SLC22A6: variants seen among roughly 807,000 people sequenced by gnomAD.
The protein encoded by SLC22A6 is solute carrier family 22 member 6, also known as PAH transporter.
SLC22A6 carries 45 observed loss-of-function variants against 56.7 expected under a neutral mutation model. That is an observed-to-expected ratio of 0.79 (90% CI 0.63 to 1.02). The LOEUF (loss-of-function observed/expected upper bound fraction) is 1.02, where lower values mean the gene tolerates loss of function less well. SLC22A6 is among the 50% of genes least tolerant of loss of function. The pLI, the probability that SLC22A6 is intolerant of heterozygous loss-of-function variation, is 0.00. For synonymous variants in SLC22A6, 291 were observed against 295.9 expected (o/e 0.98, Z 0.17); for missense variants, 606 against 713.8 (o/e 0.85, Z 1.72).
chr11:62,979,378 G>A, intron 8 of SLC22A6, 110 bp downstream of exon 8: 1 of 748,354 alleles, frequency 1.3e-6, no homozygotes, highest in Admixed American at 2.0e-5. Context: ...GTGTTGGGAG[G>A]GGCCTTTGGG....
chr11:62,984,857 C>T lies in SLC22A6; in HGVS notation c.-167G>A, dbSNP rs554670885. On this transcript the variant is annotated 5_prime_UTR_variant, in exon 1 of 10. Transcript: ENST00000360421. ...AGCTGCTCTGTGGGGGGACAGCAGCCTCCTTGGCTGCTCCTCCTTCTTCCC... is the reference window on the plus strand; with the variant it reads ...AGCTGCTCTGTGGGGGGACAGCAGCTTCCTTGGCTGCTCCTCCTTCTTCCC... 1 of 654,134 alleles carries T rather than the reference C, an allele frequency of 1.5e-6. No homozygotes were observed. Among genetic ancestry groups the T allele is most frequent in the South Asian group, 1.9e-5 (1 of 51,426 alleles). The allele number at this position is 654,134 out of a possible 1,614,324, so 40.5% of individuals were successfully genotyped here. A position where few individuals can be genotyped will look rare whatever the true frequency, so the allele number is the denominator to read the frequency against.
At chr11:62,977,989 T>C (rs752438253) in intron 8 of SLC22A6, among the ~76,000 whole-genome samples, 27 of 152,238 alleles carry the variant, frequency 1.8e-4, no homozygotes, top group Non-Finnish European at 2.5e-4. Context: ...TGCTTCACCA[T>C]TTGTTAGCTG....
At position 62,981,394 on chromosome 11, in the gene SLC22A6, G is replaced by T; in HGVS notation, c.798-11C>A. On this transcript the variant is annotated splice_polypyrimidine_tract_variant and intron_variant, in intron 4 of 9. Coordinates refer to ENST00000360421, the MANE Select transcript of SLC22A6 (RefSeq NM_153276.3). Reference sequence around the variant, plus strand: ...GACTCAATGAAGAACCTGGGAGCGGGGGTGGGGGTGGGTGTCAGCATGGCT... The same window carrying T: ...GACTCAATGAAGAACCTGGGAGCGGTGGTGGGGGTGGGTGTCAGCATGGCT... 1 of 1,486,516 alleles carries T rather than the reference G, an allele frequency of 6.7e-7. No homozygotes were observed. The highest frequency in any genetic ancestry group is 9.1e-7 in the Non-Finnish European group (1 of 1,094,764). The allele number at this position is 1,486,516 out of a possible 1,614,324, so 92.1% of individuals were successfully genotyped here. A position where few individuals can be genotyped will look rare whatever the true frequency, so the allele number is the denominator to read the frequency against.
At position 62,979,764 on chromosome 11, in the gene SLC22A6, A is replaced by G. The variant is rs1429348866; in HGVS notation, c.1222T>C (p.Cys408Arg). The change falls in exon 7 of 10, where the codon TGC (cysteine) becomes CGC (arginine). Residue 408 changes from cysteine (C) to arginine (R), a missense_variant. Coordinates refer to ENST00000360421, the MANE Select transcript of SLC22A6 (RefSeq NM_153276.3). ...QMAALLLAGICILLNGVIPQD... is the reference protein window; with the variant it reads ...QMAALLLAGIRILLNGVIPQD... ...GGTATCACCCCATTGAGCAGGATGC[A>G]GATGCCTGCCAGCAGCAGTGCAGCC... 6.2e-7 allele frequency: 1 copy of G among 1,614,118 alleles called. No homozygotes were observed. The highest frequency in any genetic ancestry group is 8.5e-7 in the Non-Finnish European group (1 of 1,180,056).
At chr11:62,977,623 C>T (rs1208290053) in intron 8 of SLC22A6, among the ~76,000 whole-genome samples, 8 of 152,200 alleles carry the variant, frequency 5.3e-5, no homozygotes, top group Admixed American at 5.2e-4. Flanking sequence ...CCTCCCCCAC[C>T]ACAGCTGTTG....
chr11:62,983,469 A>G lies in SLC22A6; in HGVS notation c.628+68T>C, dbSNP rs998307859. The stretch of plus-strand genomic sequence containing the variant: ...CAGGGCTCAGGAGGGGCAGGCTGGG[A>G]GGGGAGGCTGGAAAGGGGTTGCTGG... On this transcript the variant is annotated intron_variant, in intron 3 of 9. Coordinates refer to ENST00000360421, the MANE Select transcript of SLC22A6 (RefSeq NM_153276.3). The surrounding 1 kb of genome is among the most constrained non-coding windows in gnomAD (Gnocchi z 4.5). The G allele has an allele frequency of 1.2e-5, 18 of 1,498,864 alleles. No homozygotes were observed. The highest frequency in any genetic ancestry group is 2.8e-5 in the African/African-American group (2 of 71,586). The allele number at this position is 1,498,864 out of a possible 1,614,324, so 92.8% of individuals were successfully genotyped here.
Position 62,981,342 on chromosome 11 carries a change from C to T in SLC22A6, c.839G>A (p.Arg280Lys), listed in dbSNP as rs778360584. 3.1e-6 allele frequency: 5 copies of T among 1,597,184 alleles called. No individual in the cohort carries two copies. The East Asian group carries it at 1.1e-4, about 36-fold the overall frequency. The change falls in exon 5 of 10, where the codon AGG becomes AAG. Residue 280 changes from arginine (R) to lysine (K), a missense_variant. Transcript: ENST00000360421. ...ESARWHSSSG[R>K]LDLTLRALQR... ...CAGGGCCCTCAGGGTGAGGTCCAGC[C>T]TCCCGGAGGAGGAGTGCCAGCGGGC...
intron 9 of SLC22A6, 57 bp from the exon 10 acceptor site, chr11:62,976,938 G>T: frequency 6.3e-7 from 1 of 1,591,038 alleles, no homozygotes; most frequent in Non-Finnish European, 8.6e-7. Context: ...CCAGGGCCGG[G>T]ATATGGAGGC....
rs371759820 is a variant in SLC22A6, at chr11:62,983,652, C to T, written c.513G>A (p.Gln171=). Residue 171 remains glutamine (Q), a synonymous_variant, in exon 3 of 10, where the codon CAG becomes CAA. Coordinates refer to ENST00000360421, the MANE Select transcript of SLC22A6 (RefSeq NM_153276.3). This position sits in a 1 kb window ranked among gnomAD's most constrained non-coding sequence, Gnocchi z 4.5. Reference sequence around the variant, plus strand: ...CTGCGCAGGTCCCTGACACAGCTGTCTGCAGGTAGTTCAAGATGAGTACCT... The same window carrying T: ...CTGCGCAGGTCCCTGACACAGCTGTTTGCAGGTAGTTCAAGATGAGTACCT... ...RRKVLILNYL[Q]TAVSGTCAAF... 20 of 1,612,584 alleles carry T rather than the reference C, an allele frequency of 1.2e-5. No individual in the cohort carries two copies. In the African/African-American group the frequency reaches 2.0e-4, roughly 16 times the overall value.
intron 8 of SLC22A6, among the ~76,000 whole-genome samples, chr11:62,978,017 C>T (rs1396486097): frequency 6.6e-6 from 1 of 152,236 alleles, no homozygotes; most frequent in East Asian, 1.9e-4. Flanking sequence ...TTGGAGAAGT[C>T]ACTTAACCTC....
intron 4 of SLC22A6, 81 bp downstream of exon 4, chr11:62,981,761 T>G (rs930025081): frequency 1.9e-5 from 26 of 1,377,754 alleles, no homozygotes; most frequent in Non-Finnish European, 2.4e-5. Context: ...ATGGGATGTG[T>G]GCTGAGCTCT....
In SLC22A6 at chr11:62,981,854, A is replaced by G. The variant is rs1266103870; in HGVS notation, c.785T>C (p.Phe262Ser). Residue 262 changes from phenylalanine (F) to serine (S), a missense_variant, in exon 4 of 10, where the codon TTC (phenylalanine) becomes TCC (serine). Physicochemically the swap from Phe to Ser is radical, Grantham distance 155 (BLOSUM62 -2). Transcript: ENST00000360421. ...AGGCCCCACGCACCAGGAGTAGATG[A>G]AGAAGGCAAAAAAAGGCGCAGAGAC... ...LLVSAPFFAF[F>S]IYSWFFIESA... 9.3e-6 allele frequency: 15 copies of G among 1,611,682 alleles called. No individual in the cohort carries two copies. The South Asian group carries it at 1.4e-4, about 15-fold the overall frequency.
chr11:62,982,000 C>T lies in SLC22A6; in HGVS notation c.639G>A (p.Trp213Ter), dbSNP rs1304508147. ...SLNCMTLNVEWMPIHTRACVG... is the reference protein window; with the variant it reads ...SLNCMTLNVE Reference sequence around the variant, plus strand: ...CGCAGGCCCGTGTGTGAATGGGCATCCACTCCACATCTGGAAAGAGGGTTA... The same window carrying T: ...CGCAGGCCCGTGTGTGAATGGGCATTCACTCCACATCTGGAAAGAGGGTTA... The change falls in exon 4 of 10, where the codon TGG becomes TGA. Residue 213 changes from tryptophan to a stop codon, truncating the protein, a stop_gained. Coordinates refer to ENST00000360421, the MANE Select transcript of SLC22A6 (RefSeq NM_153276.3). LOFTEE classifies it high-confidence loss of function. The T allele has an allele frequency of 2.5e-6, 4 of 1,613,434 alleles. No individual in the cohort carries two copies. Among genetic ancestry groups the T allele is most frequent in the Non-Finnish European group, 3.4e-6 (4 of 1,179,766 alleles).
intron 8 of SLC22A6, 112 bp from the exon 9 acceptor site, chr11:62,977,499 A>G (rs2086204340): frequency 6.6e-6 from 8 of 1,220,734 alleles, no homozygotes; most frequent in Non-Finnish European, 7.8e-6. Context: ...CACTCCCGGT[A>G]CCTCCTCTCT....
At position 62,984,092 on chromosome 11, in the gene SLC22A6, CA is replaced by C. The variant is rs773580062; in HGVS notation, c.370-46del. On this transcript the variant is annotated intron_variant, in intron 1 of 9. Coordinates refer to ENST00000360421, the MANE Select transcript of SLC22A6 (RefSeq NM_153276.3). ...GGTCAGGCAGAGATGAGCCTGGCTT[CA>C]GAGAATCCCCTTCCCCCACTTCAGC... is the stretch of plus-strand genomic sequence containing the variant. 6 of 1,392,678 alleles carry C rather than the reference CA, an allele frequency of 4.3e-6. No individual in the cohort carries two copies. In the Admixed American group the frequency reaches 7.4e-5, roughly 17 times the overall value. 86.3% of individuals were successfully genotyped at this position (1,392,678 alleles called of 1,614,324 possible).
At position 62,976,875 on chromosome 11, in the gene SLC22A6, C is replaced by G. The variant is rs1565283060; in HGVS notation, c.1572G>C (p.Gly524=). Residue 524 remains glycine (G), a synonymous_variant, in exon 10 of 10, where the codon GGG becomes GGC. Transcript: ENST00000360421. ...GCTCTTGTTGCTGTCGCGTCTGTTT[C>G]CCTTTCCTGCAGGGCGGCAGAAGAA... is the stretch of plus-strand genomic sequence containing the variant. ...DTVQDLESRK[G]KQTRQQQEHQ... 1.2e-6 allele frequency: 2 copies of G among 1,613,950 alleles called. No individual in the cohort carries two copies. Among genetic ancestry groups the G allele is most frequent in the East Asian group, 2.2e-5 (1 of 44,874 alleles).
rs2086293551 is a variant in SLC22A6 at position 62,984,413 on chromosome 11, C to T, written c.278G>A (p.Gly93Asp). ...SPQWGLPFLN[G>D]TEANGTGATE... ...GGCCCCTGTGCCATTGGCTTCTGTG[C>T]CATTGAGAAAGGGCAGTCCCCACTG... Residue 93 changes from glycine (G) to aspartate (D), a missense_variant, in exon 1 of 10, where the codon GGC becomes GAC. Gly to Asp is a moderately conservative substitution (Grantham distance 94). Transcript: ENST00000360421. The T allele has an allele frequency of 1.2e-6, 2 of 1,613,942 alleles. No individual in the cohort carries two copies. Among genetic ancestry groups the T allele is most frequent in the Non-Finnish European group, 1.7e-6 (2 of 1,179,992 alleles).
intron 8 of SLC22A6, among the ~76,000 whole-genome samples, chr11:62,978,408 C>T (rs189086538): frequency 3.3e-5 from 5 of 149,504 alleles, no homozygotes; most frequent in Non-Finnish European, 4.4e-5. Flanking sequence ...AGTGCAGTGG[C>T]GCGATGTCAG....
Position 62,984,331 on chromosome 11 carries a change from G to T in SLC22A6, c.360C>A (p.Ile120=), listed in dbSNP as rs545206257. 6.2e-7 allele frequency: 1 copy of T among 1,613,092 alleles called. No homozygotes were observed. Among genetic ancestry groups the T allele is most frequent in the Admixed American group, 1.7e-5 (1 of 59,988 alleles). ...AGCCCCAGGTGCTCACCTCAGTCACGATGGTAGATGGGAAGGTGCTGTTGT... is the reference window on the plus strand; with the variant it reads ...AGCCCCAGGTGCTCACCTCAGTCACTATGGTAGATGGGAAGGTGCTGTTGT... ...IYDNSTFPST[I]VTEWDLVCSH... is the part of the protein sequence containing the mutation. Residue 120 remains isoleucine, a synonymous_variant, in exon 1 of 10, where the codon ATC becomes ATA. Transcript: ENST00000360421.
Sources: allele counts gnomAD v4.1 joint callset (sites outside exome capture counted in the v4.1 genomes callset), GRCh38; gene constraint gnomAD v4.1.1; non-coding constraint Gnocchi (gnomAD v3.1); transcripts MANE v1.5; gene names NCBI Gene and HGNC (gene_info 2026-07-23, HGNC 2026-07-21).